GALNT18: variants seen among roughly 807,000 people sequenced by gnomAD.
GALNT18 encodes the protein polypeptide N-acetylgalactosaminyltransferase 18, also known as GalNAc-transferase 18.
A neutral mutation model predicts 69.5 loss-of-function variants in GALNT18; 44 were observed. The ratio of observed to expected loss-of-function variants is 0.63; its 90% CI spans 0.50 to 0.81. The LOEUF is 0.81. Ranked by LOEUF, GALNT18 falls within the 40% of genes least tolerant of loss-of-function variation. GALNT18 has a pLI of 0.00. For synonymous variants in GALNT18, 364 were observed against 318.2 expected, an observed-to-expected ratio of 1.14 and a Z score of -1.53; for missense variants, 715 against 810.0, an observed-to-expected ratio of 0.88 and a Z score of 1.42.
intron 3 of GALNT18, among the ~76,000 whole-genome samples, chr11:11,431,150 C>T (rs1855253849): frequency 1.3e-5 from 2 of 152,190 alleles, no homozygotes; most frequent in Non-Finnish European, 2.9e-5. Flanking sequence ...CCTCCTAGTG[C>T]TCCATACTCT....
intron 1 of GALNT18, among the ~76,000 whole-genome samples, chr11:11,481,429 C>T (rs767627086): frequency 1.2e-4 from 18 of 152,132 alleles, no homozygotes; most frequent in Non-Finnish European, 1.5e-4. Context: ...GGGAAGGCAG[C>T]GAGTAAAGGT....
chr11:11,499,188 C>G (rs1032000933), intron 1 of GALNT18, among the ~76,000 whole-genome samples: 1 of 152,174 alleles, frequency 6.6e-6, no homozygotes, highest in African/African-American at 2.4e-5. Context: ...TTATGACGGT[C>G]AACATTTAAG....
chr11:11,468,432 A>G (rs2133849878), intron 1 of GALNT18, among the ~76,000 whole-genome samples: 1 of 152,314 alleles, frequency 6.6e-6, no homozygotes, highest in South Asian at 2.1e-4. Flanking sequence ...ATGCAGCTCT[A>G]AGAAACAGCC....
chr11:11,311,962 G>A (rs1213204904), intron 9 of GALNT18, among the ~76,000 whole-genome samples: 1 of 152,164 alleles, frequency 6.6e-6, no homozygotes, highest in Non-Finnish European at 1.5e-5. Flanking sequence ...CCATGTGTAA[G>A]TTTCCTTTTT....
intron 6 of GALNT18, among the ~76,000 whole-genome samples, chr11:11,348,602 C>T (rs1223928181): frequency 1.3e-5 from 2 of 152,228 alleles, no homozygotes; most frequent in Non-Finnish European, 2.9e-5. Context: ...TTTGCAAGAC[C>T]TCTGAGAACT....
Position 11,469,021 on chromosome 11 carries a change from C to A in GALNT18, c.236-20085G>T, listed in dbSNP as rs920340136. On this transcript the variant is annotated intron_variant, in intron 1 of 10. Transcript: ENST00000227756. This position sits in a 1 kb window ranked among gnomAD's most constrained non-coding sequence, Gnocchi z 4.2. ...TAGACAGATGGCCATACAGCGGTTG[C>A]CAGGGTTTGGTAGGGACAGTGTGTT... Among the ~76,000 whole-genome samples, 2 of 152,068 alleles carry A rather than the reference C, an allele frequency of 1.3e-5. No homozygotes were observed. The highest frequency in any genetic ancestry group is 1.3e-4 in the Admixed American group (2 of 15,268).
intron 1 of GALNT18, among the ~76,000 whole-genome samples, chr11:11,553,901 G>A (rs1023630536): frequency 6.6e-6 from 1 of 152,188 alleles, no homozygotes; most frequent in Non-Finnish European, 1.5e-5. Flanking sequence ...ACATCCCTAA[G>A]GCAGCCCCGG....
chr11:11,277,332 A>G (rs557413541), intron 10 of GALNT18, among the ~76,000 whole-genome samples: 349 of 152,172 alleles, frequency 2.3e-3, no homozygotes, highest in Non-Finnish European at 3.8e-3. Flanking sequence ...GGTAGTTTGT[A>G]TTTCTGTGGG....
intron 1 of GALNT18, among the ~76,000 whole-genome samples, chr11:11,472,695 A>C (rs1163403642): frequency 6.6e-6 from 1 of 152,242 alleles, no homozygotes; most frequent in Non-Finnish European, 1.5e-5. Flanking sequence ...TTATAAAAAC[A>C]CAAACTAAAT....
At chr11:11,551,953 A>C (rs1858206136) in intron 1 of GALNT18, among the ~76,000 whole-genome samples, 3 of 152,218 alleles carry the variant, frequency 2.0e-5, no homozygotes. Flanking sequence ...TACAAAGTAC[A>C]TTGATCAGTT....
At chr11:11,473,900 AC>A (rs1345223596) in intron 1 of GALNT18, among the ~76,000 whole-genome samples, 4 of 152,168 alleles carry the variant, frequency 2.6e-5, no homozygotes, top group Non-Finnish European at 5.9e-5. Context: ...CTCAGTCTCT[AC>A]CAAAAATACA....
chr11:11,374,392 G>A (rs1272548952), intron 5 of GALNT18, among the ~76,000 whole-genome samples: 1 of 152,234 alleles, frequency 6.6e-6, no homozygotes, highest in Non-Finnish European at 1.5e-5. Context: ...ATTTAAAAAG[G>A]TAAAAAGATG....
chr11:11,342,964 T>C (rs60191839), intron 6 of GALNT18, among the ~76,000 whole-genome samples: 2,394 of 152,340 alleles, frequency 0.016, 66 homozygotes, highest in African/African-American at 0.054. Context: ...TTCTTAGCTA[T>C]TACTATCAAG....
At chr11:11,279,754 T>TG (rs1849028864) in intron 10 of GALNT18, among the ~76,000 whole-genome samples, 1 of 152,028 alleles carries the variant, frequency 6.6e-6, no homozygotes, top group Admixed American at 6.6e-5. Context: ...ACTGGGAAGG[T>TG]GATGGGCAGG....
In GALNT18 at chr11:11,541,839, G is replaced by A. The variant is rs1006814997; in HGVS notation, c.235+79520C>T. Among the ~76,000 whole-genome samples, 1 of 152,112 alleles carries A rather than the reference G, an allele frequency of 6.6e-6. No individual in the cohort carries two copies. The highest frequency in any genetic ancestry group is 2.4e-5 in the African/African-American group (1 of 41,408). ...CAAGCCAAGCCCAGAAGCCTCTCCC[G>A]AAGAGTGAGCAGGTTGCTTTCCCTC... On this transcript the variant is annotated intron_variant, in intron 1 of 10. Coordinates refer to ENST00000227756, the MANE Select transcript of GALNT18 (RefSeq NM_198516.3). The surrounding 1 kb of genome is among the most constrained non-coding windows in gnomAD (Gnocchi z 4.8).
At chr11:11,323,413 C>T (rs959959172) in intron 9 of GALNT18, among the ~76,000 whole-genome samples, 1 of 152,226 alleles carries the variant, frequency 6.6e-6, no homozygotes, top group Admixed American at 6.5e-5. Context: ...TGATGAGTCC[C>T]AAGCAAGTTC....
At chr11:11,608,825 T>G (rs574002778) in intron 1 of GALNT18, among the ~76,000 whole-genome samples, 11 of 152,294 alleles carry the variant, frequency 7.2e-5, no homozygotes, top group African/African-American at 2.6e-4. Context: ...GAAGGTAATT[T>G]TTGGTTTTAT....
intron 1 of GALNT18, among the ~76,000 whole-genome samples, chr11:11,490,233 T>TC (rs1856737750): frequency 1.6e-4 from 8 of 51,314 alleles, no homozygotes; most frequent in African/African-American, 5.3e-4. Context: ...TCTCTCTCTC[T>TC]AACACACACA....
rs1857842476 is a variant in GALNT18, at chr11:11,538,791, C to T, written c.235+82568G>A. 6.6e-6 allele frequency among the ~76,000 whole-genome samples: 1 copy of T among 152,146 alleles called. No individual in the cohort carries two copies. Among genetic ancestry groups the T allele is most frequent in the Admixed American group, 6.5e-5 (1 of 15,286 alleles). Reference sequence around the variant, plus strand: ...GCCCCAGGGCCTGCACATCGCAGGCCCGCTGATCTCCTTACTCCTGCTGCT... The same window carrying T: ...GCCCCAGGGCCTGCACATCGCAGGCTCGCTGATCTCCTTACTCCTGCTGCT... On this transcript the variant is annotated intron_variant, in intron 1 of 10. Transcript: ENST00000227756. This position sits in a 1 kb window ranked among gnomAD's most constrained non-coding sequence, Gnocchi z 5.2.
Sources: allele counts gnomAD v4.1 joint callset (sites outside exome capture counted in the v4.1 genomes callset), GRCh38; gene constraint gnomAD v4.1.1; non-coding constraint Gnocchi (gnomAD v3.1); transcripts MANE v1.5; gene names NCBI Gene and HGNC (gene_info 2026-07-23, HGNC 2026-07-21).